Variants in DNAH3 observed in about 807,000 individuals in gnomAD.
DNAH3 encodes the protein axonemal beta dynein heavy chain 3.
A neutral mutation model predicts 432.5 loss-of-function variants in DNAH3; 332 were observed. The ratio of observed to expected loss-of-function variants is 0.77; its 90% CI spans 0.70 to 0.84. DNAH3 has a LOEUF of 0.84. DNAH3 is among the 40% of genes least tolerant of loss of function. The pLI is 0.00. For synonymous variants in DNAH3, 1,956 were observed against 1,900.2 expected (o/e 1.03, Z -0.76); for missense variants, 4,861 against 5,114.0 (o/e 0.95, Z 1.51).
chr16:21,084,534 T>G (rs2091299529), intron 19 of DNAH3, among the ~76,000 whole-genome samples: 1 of 152,118 alleles, frequency 6.6e-6, no homozygotes, highest in African/African-American at 2.4e-5. Context: ...TGGCCCGGGC[T>G]GGTTCTCAGA....
intron 21 of DNAH3, among the ~76,000 whole-genome samples, chr16:21,072,647 T>C (rs2090832272): frequency 6.6e-6 from 1 of 151,770 alleles, no homozygotes; most frequent in Admixed American, 6.6e-5. Context: ...GTTTTATACA[T>C]TTATTGGGTC....
chr16:20,985,765 G>A (rs1461301587), intron 47 of DNAH3, 50 bp from the exon 48 acceptor site: 6 of 1,573,146 alleles, frequency 3.8e-6, no homozygotes, highest in East Asian at 2.2e-5. Flanking sequence ...GGCCCAGCCA[G>A]GCTGGTAGGG....
At chr16:21,054,277 T>C in intron 28 of DNAH3, 143 bp downstream of exon 28, 1 of 645,638 alleles carries the variant, frequency 1.5e-6, no homozygotes, top group Middle Eastern at 4.2e-4. Context: ...GCCCTTTGGC[T>C]CTCATCTTAC....
At chr16:20,954,788 A>G in intron 55 of DNAH3, 25 bp downstream of exon 55, 1 of 1,610,380 alleles carries the variant, frequency 6.2e-7, no homozygotes. Flanking sequence ...CCCTCAGGCC[A>G]CTCAGGTGCA....
At chr16:21,040,000 G>A (rs12927575) in intron 32 of DNAH3, 57 bp from the exon 33 acceptor site, 10 of 1,381,900 alleles carry the variant, frequency 7.2e-6, no homozygotes, top group African/African-American at 7.2e-5. Flanking sequence ...CTGAGGGAAC[G>A]CACATTCACA....
At chr16:20,993,465 A>T (rs2086640462) in intron 44 of DNAH3, among the ~76,000 whole-genome samples, 1 of 152,136 alleles carries the variant, frequency 6.6e-6, no homozygotes, top group African/African-American at 2.4e-5. Flanking sequence ...ATAGTCTCTG[A>T]GTTTGTGCAT....
At chr16:20,995,678 TA>T (rs2086735709) in intron 44 of DNAH3, among the ~76,000 whole-genome samples, 2 of 152,178 alleles carry the variant, frequency 1.3e-5, no homozygotes, top group Non-Finnish European at 2.9e-5. Context: ...CTATTCATCT[TA>T]ACCTTCTCCA....
chr16:20,998,923 G>A (rs1567613141), intron 43 of DNAH3, among the ~76,000 whole-genome samples: 1 of 152,060 alleles, frequency 6.6e-6, no homozygotes, highest in Non-Finnish European at 1.5e-5. Context: ...GAGGAACTGA[G>A]GGTCAGGGAC....
chr16:20,965,384 G>T (rs1219182995), exon 53 of DNAH3: 4 of 1,534,786 alleles, frequency 2.6e-6, no homozygotes, highest in Non-Finnish European at 2.6e-6. Context: ...AGATCCCCAA[G>T]AATCTTTTTG....
intron 31 of DNAH3, 121 bp from the exon 32 acceptor site, chr16:21,042,324 A>T (rs892007645): frequency 1.1e-6 from 1 of 937,180 alleles, no homozygotes; most frequent in African/African-American, 1.6e-5. Context: ...GCACCTGCAC[A>T]TTCAAAATTA....
At chr16:21,154,342 T>C (rs1384209681) in intron 1 of DNAH3, among the ~76,000 whole-genome samples, 1 of 151,832 alleles carries the variant, frequency 6.6e-6, no homozygotes, top group Non-Finnish European at 1.5e-5. Context: ...GAGGTGGAGG[T>C]TGCAGTAAGC....
chr16:21,089,215 G>A (rs1411699011), intron 18 of DNAH3, among the ~76,000 whole-genome samples: 1 of 152,142 alleles, frequency 6.6e-6, no homozygotes, highest in South Asian at 2.1e-4. Flanking sequence ...ATGCTGCTTT[G>A]TCCTGGAACC....
chr16:21,087,162 G>T, intron 18 of DNAH3, 102 bp from the exon 19 acceptor site: 1 of 963,166 alleles, frequency 1.0e-6, no homozygotes, highest in East Asian at 2.4e-5. Flanking sequence ...GTCGTTTGGA[G>T]ATTGGAACAC....
chr16:21,018,002 TA>T (rs200164460), intron 41 of DNAH3, among the ~76,000 whole-genome samples: 53 of 151,994 alleles, frequency 3.5e-4, no homozygotes, highest in African/African-American at 1.2e-3. Flanking sequence ...ATCTTTTTTT[TA>T]AAAAAAATTC....
chr16:21,139,776 C>CTT (rs71275930), intron 5 of DNAH3, among the ~76,000 whole-genome samples: 27,502 of 86,054 alleles, frequency 0.32, 5,193 homozygotes, highest in East Asian at 0.63. Context: ...CCACCTCATT[C>CTT]TTTTTTTTTT....
intron 56 of DNAH3, among the ~76,000 whole-genome samples, chr16:20,949,263 C>CAA (rs34267850): frequency 0.036 from 2,370 of 65,368 alleles, 170 homozygotes; most frequent in African/African-American, 0.13. Context: ...GAGACTGTCT[C>CAA]AAAAAAAAAA....
chr16:21,121,694 C>T (rs1051890837), intron 10 of DNAH3, among the ~76,000 whole-genome samples: 5 of 151,676 alleles, frequency 3.3e-5, no homozygotes, highest in South Asian at 2.1e-4. Flanking sequence ...CTCTGCCTCC[C>T]GGGTTCAAGT....
At chr16:21,022,284 G>C (rs1786858443) in intron 39 of DNAH3, among the ~76,000 whole-genome samples, 184 bp from the exon 40 acceptor site, 1 of 152,146 alleles carries the variant, frequency 6.6e-6, no homozygotes, top group African/African-American at 2.4e-5. Context: ...AGGGTCCTAA[G>C]ACTGTTGCCC....
chr16:20,989,407 T>A (rs966652368), intron 44 of DNAH3, among the ~76,000 whole-genome samples: 3 of 151,808 alleles, frequency 2.0e-5, no homozygotes, highest in African/African-American at 7.3e-5. Flanking sequence ...ATCCTTGAGC[T>A]AGACATAAAG....
Sources: gnomAD v4.1 joint callset for allele counts (sites outside exome capture counted in the v4.1 genomes callset) on GRCh38, gnomAD v4.1.1 for gene constraint, MANE v1.5 for transcripts, NCBI Gene and HGNC (gene_info 2026-07-23, HGNC 2026-07-21) for gene names.